The following WDR72 variants were observed in gnomAD, a reference collection of about 807,000 sequenced individuals.
WDR72 encodes WD repeat-containing protein 72.
WDR72 carries 120 observed loss-of-function variants against 124.2 expected under a neutral mutation model. The observed-to-expected ratio is 0.97, with a 90% CI of 0.83 to 1.12. The LOEUF (loss-of-function observed/expected upper bound fraction) is 1.12, where lower values mean the gene tolerates loss of function less well. WDR72 is among the 50% of genes most tolerant of loss of function. The pLI, the probability that WDR72 is intolerant of heterozygous loss-of-function variation, is 0.00. For missense variants in WDR72, 1,387 were observed against 1,278.8 expected, an observed-to-expected ratio of 1.08 and a Z score of -1.29; for synonymous variants, 452 against 441.7, an observed-to-expected ratio of 1.02 and a Z score of -0.29.
At chr15:53,729,021 T>G (rs2018123904) in intron 2 of WDR72, among the ~76,000 whole-genome samples, 1 of 152,076 alleles carries the variant, frequency 6.6e-6, no homozygotes, top group Non-Finnish European at 1.5e-5. Context: ...TACACCACCT[T>G]TTTTCCTTCC....
chr15:53,760,875 G>A (rs188752637), upstream of WDR72, among the ~76,000 whole-genome samples: 125 of 152,300 alleles, frequency 8.2e-4, no homozygotes, highest in East Asian at 0.018. Flanking sequence ...TGTAATTCCA[G>A]CACTTTGAGA....
chr15:53,604,877 T>A (rs939869802), intron 17 of WDR72, among the ~76,000 whole-genome samples: 8 of 152,198 alleles, frequency 5.3e-5, no homozygotes, highest in Admixed American at 2.6e-4. Flanking sequence ...GGAACGCTTA[T>A]ACATTGTTGG....
chr15:53,552,769 G>T (rs1032501206), intron 18 of WDR72, among the ~76,000 whole-genome samples: 1 of 152,102 alleles, frequency 6.6e-6, no homozygotes, highest in African/African-American at 2.4e-5. Context: ...TTACACATTT[G>T]TCTGTTACGT....
chr15:53,749,129 G>T, intron 1 of WDR72, among the ~76,000 whole-genome samples: 1 of 152,132 alleles, frequency 6.6e-6, no homozygotes, highest in East Asian at 1.9e-4. Flanking sequence ...TCCCCCAGGG[G>T]AGGGAATAAA....
chr15:53,539,532 G>C (rs149312108), intron 18 of WDR72, among the ~76,000 whole-genome samples: 1 of 151,912 alleles, frequency 6.6e-6, no homozygotes, highest in Admixed American at 6.5e-5. Flanking sequence ...TGCTGGAAGA[G>C]AGAAAGTAAA....
At chr15:53,706,418 A>C (rs1226612895) in intron 9 of WDR72, among the ~76,000 whole-genome samples, 2 of 134,244 alleles carry the variant, frequency 1.5e-5, no homozygotes, top group East Asian at 2.2e-4. Flanking sequence ...ACATTACTGC[A>C]AGGGGCTTTC....
chr15:53,684,053 T>C (rs751615342), intron 13 of WDR72: 43 of 152,106 alleles, frequency 2.8e-4, no homozygotes, highest in Non-Finnish European at 4.9e-4. Context: ...ATCAGCAAAA[T>C]CTTAAAATCA....
chr15:53,615,915 T>C lies in WDR72; in HGVS notation c.2291A>G (p.Asp764Gly), dbSNP rs752110952. 4.3e-6 allele frequency: 7 copies of C among 1,613,536 alleles called. No individual in the cohort carries two copies. The highest frequency in any genetic ancestry group is 5.1e-6 in the Non-Finnish European group (6 of 1,179,684). The change falls in exon 15 of 20, where the codon GAT becomes GGT. Residue 764 changes from aspartate to glycine, a missense_variant. Asp to Gly is a moderately conservative substitution (Grantham distance 94). Coordinates refer to ENST00000360509, the MANE Select transcript of WDR72 (RefSeq NM_182758.4). ...DNTIKFSEEN[D>G]GIKRQKKMKI... ...CATTTTCTTCTGCCTTTTAATGCCA[T>C]CATTTTCTTCTGAGAATTTGATGGT...
intron 1 of WDR72, among the ~76,000 whole-genome samples, chr15:53,756,279 T>C (rs2018903814): frequency 6.6e-6 from 1 of 152,154 alleles, no homozygotes; most frequent in South Asian, 2.1e-4. Flanking sequence ...ACTCATTCTC[T>C]CTCCTGCAAC....
chr15:53,683,944 T>A (rs1414137105), intron 13 of WDR72, among the ~76,000 whole-genome samples: 2 of 152,130 alleles, frequency 1.3e-5, no homozygotes, highest in African/African-American at 4.8e-5. Flanking sequence ...ATGAACCCCA[T>A]CAACAATCTG....
At chr15:53,712,912 T>A in intron 6 of WDR72, 21 bp from the exon 7 acceptor site, 1 of 1,612,174 alleles carries the variant, frequency 6.2e-7, no homozygotes, top group East Asian at 2.2e-5. Flanking sequence ...AAAGAAAATC[T>A]TTTAGTACTA....
intron 10 of WDR72, 84 bp downstream of exon 10, chr15:53,705,843 C>T (rs2017336955): frequency 6.5e-7 from 1 of 1,546,966 alleles, no homozygotes; most frequent in Non-Finnish European, 8.9e-7. Context: ...TTTGTGGTCC[C>T]ATGCTGCTCA....
At chr15:53,752,659 G>A (rs1163888833) in intron 1 of WDR72, among the ~76,000 whole-genome samples, 1 of 152,118 alleles carries the variant, frequency 6.6e-6, no homozygotes, top group Non-Finnish European at 1.5e-5. Flanking sequence ...TCACCCAGTG[G>A]GTGGTACTTT....
intron 19 of WDR72, among the ~76,000 whole-genome samples, chr15:53,521,485 C>A (rs1013315619): frequency 6.6e-6 from 1 of 152,100 alleles, no homozygotes; most frequent in African/African-American, 2.4e-5. Flanking sequence ...GTAATTCATT[C>A]TTTATTACCA....
intron 18 of WDR72, among the ~76,000 whole-genome samples, chr15:53,532,045 A>G (rs1892505006): frequency 6.6e-6 from 1 of 152,120 alleles, no homozygotes. Context: ...CCCAAAGTAT[A>G]TGTAATACAC....
At chr15:53,706,371 T>TACATATATATATATATATATAC (rs1567040197) in intron 9 of WDR72, among the ~76,000 whole-genome samples, 92 of 52,632 alleles carry the variant, frequency 1.7e-3, no homozygotes, top group African/African-American at 6.5e-3. Context: ...TATATATATA[T>TACATATATATATATATATATAC]ATATATATAT....
intron 18 of WDR72, among the ~76,000 whole-genome samples, chr15:53,595,610 A>G (rs78512363): frequency 9.6e-4 from 146 of 152,300 alleles, no homozygotes; most frequent in African/African-American, 3.4e-3. Context: ...ATCTACTGAG[A>G]GTTAACAAAC....
At chr15:53,527,588 T>TA (rs1892197757) in intron 18 of WDR72, among the ~76,000 whole-genome samples, 2 of 152,038 alleles carry the variant, frequency 1.3e-5, no homozygotes, top group Non-Finnish European at 2.9e-5. Flanking sequence ...ATGAATGATT[T>TA]AAAAATAGAT....
intron 7 of WDR72, 135 bp downstream of exon 7, chr15:53,712,637 G>A: frequency 1.1e-6 from 1 of 904,362 alleles, no homozygotes; most frequent in Non-Finnish European, 1.7e-6. Flanking sequence ...AGTCATAAAA[G>A]ACACATCATT....
Sources: gnomAD v4.1 joint callset for allele counts (sites outside exome capture counted in the v4.1 genomes callset) on GRCh38, gnomAD v4.1.1 for gene constraint, MANE v1.5 for transcripts, NCBI Gene and HGNC (gene_info 2026-07-23, HGNC 2026-07-21) for gene names.